ST18: variants seen among roughly 807,000 people sequenced by gnomAD.
ST18 encodes ST18 C2H2C-type zinc finger transcription factor, also known as suppression of tumorigenicity 18 protein.
Under a neutral mutation model 110.0 loss-of-function variants are expected in ST18, and 50 were observed. The observed-to-expected ratio is 0.45, with a 90% CI of 0.36 to 0.58. The LOEUF is 0.58. Among genes scored for constraint, ST18 ranks in the 20% least tolerant of loss-of-function variants. ST18 has a pLI of 0.00. For synonymous variants in ST18, 461 were observed against 452.4 expected (o/e 1.02, Z -0.24); for missense variants, 1,306 against 1,280.1 (o/e 1.02, Z -0.31).
chr8:52,388,199 G>T (rs1273746842), intron 2 of ST18, among the ~76,000 whole-genome samples: 1 of 152,164 alleles, frequency 6.6e-6, no homozygotes, highest in Non-Finnish European at 1.5e-5. Flanking sequence ...GATGTCATCT[G>T]TGAGAAACAC....
chr8:52,118,445 T>A lies in ST18; in HGVS notation c.2756-4A>T. On this transcript the variant is annotated splice_polypyrimidine_tract_variant and splice_region_variant and intron_variant, in intron 23 of 25. Coordinates refer to ENST00000689386, the MANE Select transcript of ST18 (RefSeq NM_001352837.2). ...ATTTCTTCATCACTCTCTATTCCTG[T>A]AAAGAGTAAGACTACCTTAGTTCAA... 4 of 1,576,750 alleles carry A rather than the reference T, an allele frequency of 2.5e-6. No individual in the cohort carries two copies. Among genetic ancestry groups the A allele is most frequent in the Non-Finnish European group, 3.5e-6 (4 of 1,151,910 alleles).
intron 2 of ST18, among the ~76,000 whole-genome samples, chr8:52,373,894 C>T (rs955003830): frequency 9.2e-5 from 14 of 152,088 alleles, no homozygotes; most frequent in Admixed American, 1.3e-4. Flanking sequence ...TTCAGGAGCA[C>T]GCATCTCAAG....
chr8:52,327,053 G>A (rs16917686), intron 2 of ST18, among the ~76,000 whole-genome samples: 2,455 of 152,260 alleles, frequency 0.016, 53 homozygotes, highest in African/African-American at 0.057. Context: ...GTTGTTACTT[G>A]GTCCACAGTT....
chr8:52,268,500 T>TATCTATCTATC (rs2094953838), intron 2 of ST18, among the ~76,000 whole-genome samples: 1 of 147,192 alleles, frequency 6.8e-6, no homozygotes, highest in Non-Finnish European at 1.5e-5. Flanking sequence ...TCTATCTATC[T>TATCTATCTATC]ATCTATCTAT....
intron 13 of ST18, among the ~76,000 whole-genome samples, chr8:52,161,831 A>G (rs564084948): frequency 6.6e-6 from 1 of 152,352 alleles, no homozygotes; most frequent in South Asian, 2.1e-4. Flanking sequence ...AATTAAGAAT[A>G]TGCAATCCTC....
intron 23 of ST18, among the ~76,000 whole-genome samples, chr8:52,119,930 A>G (rs2044035831): frequency 1.3e-5 from 2 of 151,670 alleles, no homozygotes; most frequent in African/African-American, 4.9e-5. Flanking sequence ...AAAAAGGAAA[A>G]CAAACCAACA....
At chr8:52,388,468 C>T (rs575425415) in intron 2 of ST18, among the ~76,000 whole-genome samples, 2 of 152,240 alleles carry the variant, frequency 1.3e-5, no homozygotes, top group South Asian at 2.1e-4. Context: ...TTGCACACGG[C>T]TGAGCCATTT....
intron 2 of ST18, among the ~76,000 whole-genome samples, chr8:52,233,133 TA>T (rs1310499333): frequency 6.6e-6 from 1 of 152,220 alleles, no homozygotes; most frequent in African/African-American, 2.4e-5. Context: ...CCAGTGTAAC[TA>T]ACCTTCTTGG....
At chr8:52,213,378 A>G (rs1160124607) in intron 7 of ST18, among the ~76,000 whole-genome samples, 1 of 146,354 alleles carries the variant, frequency 6.8e-6, no homozygotes, top group Non-Finnish European at 1.5e-5. Flanking sequence ...TCAGTTGTAC[A>G]TCTCAACACC....
intron 4 of ST18, 103 bp from the exon 5 acceptor site, chr8:52,220,951 C>T (rs1013531964): frequency 1.3e-5 from 2 of 152,154 alleles, no homozygotes; most frequent in Admixed American, 6.5e-5. Context: ...AGTGTTGACA[C>T]TTATCTATAG....
intron 2 of ST18, among the ~76,000 whole-genome samples, chr8:52,263,675 C>T (rs1465936034): frequency 6.7e-6 from 1 of 148,576 alleles, no homozygotes; most frequent in Non-Finnish European, 1.5e-5. Flanking sequence ...GAACTCCTGA[C>T]CTTAGGTGAT....
chr8:52,161,275 T>A (rs2061384421), intron 14 of ST18, 100 bp downstream of exon 14: 1 of 1,190,224 alleles, frequency 8.4e-7, no homozygotes, highest in Non-Finnish European at 1.2e-6. Context: ...CTGTATGTAG[T>A]ATATCATATA....
chr8:52,299,708 A>G (rs919470111), intron 2 of ST18, among the ~76,000 whole-genome samples: 17 of 152,208 alleles, frequency 1.1e-4, no homozygotes, highest in Non-Finnish European at 1.3e-4. Flanking sequence ...AGTAGTATCA[A>G]CCTGAGACCA....
chr8:52,160,537 T>TA (rs1255071931), intron 14 of ST18, among the ~76,000 whole-genome samples: 1 of 152,230 alleles, frequency 6.6e-6, no homozygotes, highest in Non-Finnish European at 1.5e-5. Flanking sequence ...CAGAATGTTG[T>TA]AAAAAATTCA....
intron 2 of ST18, among the ~76,000 whole-genome samples, chr8:52,353,894 G>T (rs931160824): frequency 2.0e-5 from 3 of 152,188 alleles, no homozygotes; most frequent in Non-Finnish European, 1.5e-5. Context: ...GCCAAACTAG[G>T]TTATGTATAT....
At chr8:52,327,701 T>C (rs886478391) in intron 2 of ST18, among the ~76,000 whole-genome samples, 1 of 152,202 alleles carries the variant, frequency 6.6e-6, no homozygotes, top group African/African-American at 2.4e-5. Flanking sequence ...TGCCACCCAG[T>C]TGCTGGACTA....
chr8:52,169,526 A>C (rs188685840), intron 10 of ST18, among the ~76,000 whole-genome samples: 1 of 152,322 alleles, frequency 6.6e-6, no homozygotes, highest in Non-Finnish European at 1.5e-5. Flanking sequence ...TGAGATTTTA[A>C]AACTCTTGAG....
intron 8 of ST18, 91 bp downstream of exon 8, chr8:52,211,988 A>G: frequency 1.4e-6 from 2 of 1,403,742 alleles, no homozygotes; most frequent in Non-Finnish European, 2.0e-6. Context: ...CCTTCTGCTA[A>G]AAAAAGTATT....
chr8:52,121,645 G>A (rs1205879173), intron 23 of ST18, among the ~76,000 whole-genome samples: 1 of 152,126 alleles, frequency 6.6e-6, no homozygotes, highest in South Asian at 2.1e-4. Flanking sequence ...GGTACAGCGG[G>A]AATTCAAATA....
Sources: allele counts gnomAD v4.1 joint callset (sites outside exome capture counted in the v4.1 genomes callset), GRCh38; gene constraint gnomAD v4.1.1; transcripts MANE v1.5; gene names NCBI Gene and HGNC (gene_info 2026-07-23, HGNC 2026-07-21).